ATF6: variants seen among roughly 807,000 people sequenced by gnomAD.
ATF6 encodes cyclic AMP-dependent transcription factor ATF-6 alpha.
A neutral mutation model predicts 83.6 loss-of-function variants in ATF6; 53 were observed. The ratio of observed to expected loss-of-function variants is 0.63; its 90% confidence interval spans 0.51 to 0.80. The LOEUF is 0.80. ATF6 is among the 30% of genes least tolerant of loss of function. The probability of loss-of-function intolerance (pLI) is 0.00; values close to 1 mark genes in which losing one functional copy is unlikely to be tolerated. For missense variants in ATF6, 744 were observed against 797.9 expected (o/e 0.93, Z 0.81); for synonymous variants, 288 against 285.8 (o/e 1.01, Z -0.08).
At chr1:161,930,788 A>G (rs2101901884) in intron 15 of ATF6, among the ~76,000 whole-genome samples, 1 of 152,352 alleles carries the variant, frequency 6.6e-6, no homozygotes, top group Admixed American at 6.5e-5. Context: ...ATCTTAGAAT[A>G]CAAGACATAA....
At chr1:161,925,806 T>G (rs1487251367) in intron 15 of ATF6, among the ~76,000 whole-genome samples, 1 of 152,188 alleles carries the variant, frequency 6.6e-6, no homozygotes, top group Non-Finnish European at 1.5e-5. Flanking sequence ...TGTAATTAAT[T>G]AAATGAACAC....
At chr1:161,953,034 A>C (rs1688895624) in intron 15 of ATF6, among the ~76,000 whole-genome samples, 1 of 152,152 alleles carries the variant, frequency 6.6e-6, no homozygotes, top group African/African-American at 2.4e-5. Context: ...AATAATAATA[A>C]TTCTTCCTCA....
chr1:161,933,682 C>T (rs896462668), intron 15 of ATF6, among the ~76,000 whole-genome samples: 9 of 152,350 alleles, frequency 5.9e-5, no homozygotes, highest in African/African-American at 1.9e-4. Flanking sequence ...ACTCTTCTAA[C>T]TCATCATGAG....
At chr1:161,856,864 T>G (rs1019483253) in intron 12 of ATF6, among the ~76,000 whole-genome samples, 1 of 152,200 alleles carries the variant, frequency 6.6e-6, no homozygotes, top group African/African-American at 2.4e-5. Flanking sequence ...GAATTTTGTT[T>G]TAATTTTACT....
At chr1:161,811,264 T>C (rs12725022) in intron 7 of ATF6, among the ~76,000 whole-genome samples, 1 of 152,222 alleles carries the variant, frequency 6.6e-6, no homozygotes. Context: ...CTCTGAAAGA[T>C]TACTATTTTA....
At chr1:161,791,610 T>A (rs928228894) in intron 5 of ATF6, 73 bp downstream of exon 5, 1 of 1,481,134 alleles carries the variant, frequency 6.8e-7, no homozygotes, top group African/African-American at 1.4e-5. Flanking sequence ...TAAAAGAAAA[T>A]GCTGGATTAA....
intron 7 of ATF6, among the ~76,000 whole-genome samples, chr1:161,805,666 T>C (rs948075816): frequency 1.3e-5 from 2 of 152,166 alleles, no homozygotes; most frequent in Admixed American, 6.5e-5. Context: ...ACCTCAGTAT[T>C]ACATGTGTCT....
rs368516193 is a variant in ATF6 at position 161,926,341 on chromosome 1, G to A, written c.1804+13961G>A. 2.0e-5 allele frequency among the ~76,000 whole-genome samples: 3 copies of A among 152,230 alleles called. No homozygotes were observed. The East Asian group carries it at 5.8e-4, about 29-fold the overall frequency. On this transcript the variant is annotated intron_variant, in intron 15 of 15. Transcript: ENST00000367942. Reference sequence around the variant, plus strand: ...AGTTTCTGAGGGTCAGGAATCTAGGGCCAGCTTAGCAGGGTGATTCTGCTT... The same window carrying A: ...AGTTTCTGAGGGTCAGGAATCTAGGACCAGCTTAGCAGGGTGATTCTGCTT...
At position 161,791,112 on chromosome 1, in the gene ATF6, G is replaced by GTCTC. The variant is rs1557961840; in HGVS notation, c.355-295_355-294insCTCT. 2.4e-3 allele frequency among the ~76,000 whole-genome samples: 367 copies of GTCTC among 149,988 alleles called. 4 individuals carry two copies. The highest frequency in any genetic ancestry group is 8.4e-3 in the African/African-American group (339 of 40,310). On this transcript the variant is annotated intron_variant, in intron 4 of 15. Coordinates refer to ENST00000367942, the MANE Select transcript of ATF6 (RefSeq NM_007348.4). The stretch of plus-strand genomic sequence containing the variant: ...TGTGTGTGTGTGTGTGTCTCTGTGT[G>GTCTC]TGTGTGTGTGTGTGTGTGTGTAGTT...
intron 15 of ATF6, among the ~76,000 whole-genome samples, chr1:161,949,864 A>G (rs919332444): frequency 1.3e-5 from 2 of 152,216 alleles, no homozygotes; most frequent in African/African-American, 2.4e-5. Context: ...TCAGATTCCA[A>G]CATGAGATTT....
chr1:161,905,909 T>C (rs1246152439), intron 14 of ATF6, among the ~76,000 whole-genome samples: 1 of 152,084 alleles, frequency 6.6e-6, no homozygotes, highest in African/African-American at 2.4e-5. Flanking sequence ...CTCGGCTCAC[T>C]GCAAGCTCAG....
intron 15 of ATF6, 110 bp from the exon 16 acceptor site, chr1:161,958,336 C>G: frequency 6.4e-6 from 7 of 1,090,926 alleles, no homozygotes; most frequent in Non-Finnish European, 9.0e-6. Flanking sequence ...TGAAAGTTTA[C>G]TGACAGTTCA....
chr1:161,933,418 A>G (rs1688473305), intron 15 of ATF6, among the ~76,000 whole-genome samples: 1 of 152,266 alleles, frequency 6.6e-6, no homozygotes, highest in Non-Finnish European at 1.5e-5. Context: ...ACAACATTAA[A>G]GTTGTAAGAC....
At chr1:161,832,000 C>T (rs1379399931) in intron 9 of ATF6, among the ~76,000 whole-genome samples, 1 of 149,088 alleles carries the variant, frequency 6.7e-6, no homozygotes, top group East Asian at 2.0e-4. Context: ...TGAACATGAG[C>T]ACATGTCTGC....
intron 15 of ATF6, among the ~76,000 whole-genome samples, chr1:161,940,364 C>G (rs1019490434): frequency 6.6e-6 from 1 of 152,086 alleles, no homozygotes; most frequent in African/African-American, 2.4e-5. Context: ...AATTCTAAAC[C>G]CTGTGTGAAC....
At chr1:161,820,726 G>A (rs946120653) in intron 8 of ATF6, among the ~76,000 whole-genome samples, 1 of 152,004 alleles carries the variant, frequency 6.6e-6, no homozygotes, top group African/African-American at 2.4e-5. Context: ...CCAGCTTGGC[G>A]ACAAAGTGAC....
chr1:161,960,186 G>A lies in ATF6; in HGVS notation c.*1532G>A, dbSNP rs1689070330. On this transcript the variant is annotated 3_prime_UTR_variant, in exon 16 of 16. Transcript: ENST00000367942. ...TTCATTTGATGAATTCATAGAACTG[G>A]ATCTCATACAGCGATGTCCTCTCTA... 6.6e-6 allele frequency: 1 copy of A among 151,652 alleles called. No individual in the cohort carries two copies. Among genetic ancestry groups the A allele is most frequent in the African/African-American group, 2.4e-5 (1 of 41,264 alleles). The allele number at this position is 151,652 out of a possible 1,614,324, so 9.4% of individuals were successfully genotyped here.
intron 9 of ATF6, among the ~76,000 whole-genome samples, chr1:161,836,151 T>C (rs986958150): frequency 6.6e-6 from 1 of 152,214 alleles, no homozygotes; most frequent in Admixed American, 6.5e-5. Context: ...TGGTTAGAAG[T>C]AAAATGTTTC....
Position 161,864,307 on chromosome 1 carries a change from A to G in ATF6, c.1719+995A>G, listed in dbSNP as rs117425216. On this transcript the variant is annotated intron_variant, in intron 14 of 15. Transcript: ENST00000367942. ...TTAGCAGGATGCCAAACCCACTTAT[A>G]TGCAGGGCCAACTTTTCACACATGT... Among the ~76,000 whole-genome samples the G allele has an allele frequency of 7.4e-4, 113 of 152,322 alleles. 1 individual carries two copies. The East Asian group carries it at 0.021, about 29-fold the overall frequency.
Sources: gnomAD v4.1 joint callset for allele counts (sites outside exome capture counted in the v4.1 genomes callset) on GRCh38, gnomAD v4.1.1 for gene constraint, MANE v1.5 for transcripts, NCBI Gene and HGNC (gene_info 2026-07-23, HGNC 2026-07-21) for gene names.